The following HEPHL1 variants were observed in gnomAD, a reference collection of about 807,000 sequenced individuals.
HEPHL1 encodes ferroxidase HEPHL1.
Under a neutral mutation model 122.0 loss-of-function variants are expected in HEPHL1, and 123 were observed. The ratio of observed to expected loss-of-function variants is 1.01; its 90% CI spans 0.87 to 1.17. The LOEUF is 1.17. Among genes scored for constraint, HEPHL1 ranks in the 50% most tolerant of loss-of-function variants. The probability of loss-of-function intolerance (pLI) is 0.00; values close to 1 mark genes in which losing one functional copy is unlikely to be tolerated. For synonymous variants in HEPHL1, 527 were observed against 508.9 expected (o/e 1.04, Z -0.48); for missense variants, 1,452 against 1,430.5 (o/e 1.01, Z -0.24).
At chr11:94,093,880 C>T (rs1444176022) in intron 13 of HEPHL1, among the ~76,000 whole-genome samples, 5 of 149,452 alleles carry the variant, frequency 3.3e-5, no homozygotes, top group Non-Finnish European at 4.4e-5. Flanking sequence ...GAATCCATGA[C>T]ATCAGGGCAG....
At chr11:94,043,443 A>T (rs1591466552) in intron 1 of HEPHL1, among the ~76,000 whole-genome samples, 2 of 151,988 alleles carry the variant, frequency 1.3e-5, no homozygotes, top group Non-Finnish European at 2.9e-5. Context: ...TGGCTGGGGG[A>T]TGAATGATAT....
Position 94,113,346 on chromosome 11 carries a change from A to G in HEPHL1, c.*1452A>G, listed in dbSNP as rs1426646568. ...AAAGTGAGTGACAAGGACCTAAGAA[A>G]TATTCTGGTGGAGGGACCTTTCACA... On this transcript the variant is annotated 3_prime_UTR_variant, in exon 20 of 20. Coordinates refer to ENST00000315765, the MANE Select transcript of HEPHL1 (RefSeq NM_001098672.2). 1 of 152,194 alleles carries G rather than the reference A, an allele frequency of 6.6e-6. No individual in the cohort carries two copies. The highest frequency in any genetic ancestry group is 1.5e-5 in the Non-Finnish European group (1 of 68,026). 9.4% of individuals were successfully genotyped at this position (152,194 alleles called of 1,614,324 possible).
intron 1 of HEPHL1, among the ~76,000 whole-genome samples, chr11:94,029,615 A>T (rs537703143): frequency 3.3e-5 from 5 of 152,338 alleles, no homozygotes; most frequent in Admixed American, 6.5e-5. Context: ...AAATGTTCCA[A>T]ATGATTCTGA....
At position 94,021,436 on chromosome 11, in the gene HEPHL1, GCA is replaced by G; in HGVS notation, c.71_72del (p.Thr24SerfsTer86). The G allele has an allele frequency of 6.2e-7, 1 of 1,613,536 alleles. No individual in the cohort carries two copies. The highest frequency in any genetic ancestry group is 1.6e-4 in the Middle Eastern group (1 of 6,062). ...TTCCTGGGTCTGTCTGGGCTGGTTG[GCA>G]CAGTTACCAGAACGTACTACATTGG... On this transcript the variant is annotated frameshift_variant, in exon 1 of 20. Transcript: ENST00000315765. LOFTEE classifies it high-confidence loss of function.
rs140410242 is a variant in HEPHL1 at position 94,078,636 on chromosome 11, A to T, written c.1716+3251A>T. Among the ~76,000 whole-genome samples the T allele has an allele frequency of 7.7e-4, 117 of 152,028 alleles. 1 individual carries two copies. Among genetic ancestry groups the T allele is most frequent in the African/African-American group, 2.7e-3 (112 of 41,500 alleles). ...TAGAAAGCTGACAGGCTCGAGAACC[A>T]GGAAGAGCCAACATTTTAGTTTAAG... On this transcript the variant is annotated intron_variant, in intron 9 of 19. Transcript: ENST00000315765.
chr11:94,073,510 G>A (rs771723909), intron 8 of HEPHL1, 71 bp downstream of exon 8: 25 of 1,448,438 alleles, frequency 1.7e-5, no homozygotes, highest in Non-Finnish European at 2.3e-5. Flanking sequence ...AACAGTCCTG[G>A]TTCAAATCCT....
At chr11:94,091,695 C>T (rs1366155630) in intron 12 of HEPHL1, among the ~76,000 whole-genome samples, 1 of 152,110 alleles carries the variant, frequency 6.6e-6, no homozygotes, top group East Asian at 1.9e-4. Flanking sequence ...GCACACAGCC[C>T]TGTCTTGAGG....
At chr11:94,057,458 C>T (rs1176153278) in intron 2 of HEPHL1, among the ~76,000 whole-genome samples, 1 of 152,060 alleles carries the variant, frequency 6.6e-6, no homozygotes, top group Admixed American at 6.6e-5. Context: ...TCTTCTATTT[C>T]CCCCACCTCT....
chr11:94,056,740 G>A (rs1945940945), intron 2 of HEPHL1, among the ~76,000 whole-genome samples: 1 of 150,734 alleles, frequency 6.6e-6, no homozygotes, highest in African/African-American at 2.4e-5. Flanking sequence ...CCAGCAATAC[G>A]TTGTTATATA....
intron 1 of HEPHL1, among the ~76,000 whole-genome samples, chr11:94,026,441 G>A (rs923628538): frequency 3.9e-5 from 6 of 152,178 alleles, no homozygotes; most frequent in Admixed American, 2.6e-4. Flanking sequence ...CAAGGCAGCT[G>A]GCAGTCCCTG....
At chr11:94,030,259 T>C (rs1945661388) in intron 1 of HEPHL1, among the ~76,000 whole-genome samples, 1 of 152,222 alleles carries the variant, frequency 6.6e-6, no homozygotes, top group Non-Finnish European at 1.5e-5. Context: ...ACTCTGAGGC[T>C]TATTAGCAAG....
intron 2 of HEPHL1, among the ~76,000 whole-genome samples, chr11:94,051,741 G>C (rs1014550742): frequency 6.6e-6 from 1 of 152,020 alleles, no homozygotes; most frequent in African/African-American, 2.4e-5. Flanking sequence ...AGTTTGCCCA[G>C]TATTTTCTTG....
chr11:94,030,453 T>C (rs1040343641), intron 1 of HEPHL1, among the ~76,000 whole-genome samples: 2 of 152,100 alleles, frequency 1.3e-5, no homozygotes, highest in Non-Finnish European at 2.9e-5. Flanking sequence ...GGCAATCATC[T>C]GGGTCCCAGG....
At chr11:94,064,251 C>G in intron 3 of HEPHL1, 80 bp from the exon 4 acceptor site, 1 of 1,101,726 alleles carries the variant, frequency 9.1e-7, no homozygotes, top group African/African-American at 1.6e-5. Flanking sequence ...AAACTTCACA[C>G]TTGCCTGACA....
In HEPHL1 at chr11:94,102,944, C is replaced by A; in HGVS notation, c.2606C>A (p.Pro869His). The change falls in exon 15 of 20, where the codon CCT becomes CAT. Residue 869 changes from proline to histidine, a missense_variant. Physicochemically the swap from Pro to His is moderately conservative, Grantham distance 77. Coordinates refer to ENST00000315765, the MANE Select transcript of HEPHL1 (RefSeq NM_001098672.2). ...GTAAAAACTTATAGATGGAATATCC[C>A]TAAAAGATCCGGTCCAGGGCCTTCT... Reference protein sequence around the residue: ...GEVKTYRWNIPKRSGPGPSDP... With the variant: ...GEVKTYRWNIHKRSGPGPSDP... 6.2e-7 allele frequency: 1 copy of A among 1,603,596 alleles called. No homozygotes were observed. Among genetic ancestry groups the A allele is most frequent in the Non-Finnish European group, 8.5e-7 (1 of 1,170,738 alleles).
At chr11:94,037,200 C>T (rs1284285046) in intron 1 of HEPHL1, among the ~76,000 whole-genome samples, 7 of 152,332 alleles carry the variant, frequency 4.6e-5, no homozygotes, top group African/African-American at 1.7e-4. Flanking sequence ...ATATCCCGCA[C>T]CTGGCTCAGA....
chr11:94,072,078 C>T (rs1946078556), intron 6 of HEPHL1, among the ~76,000 whole-genome samples: 1 of 152,042 alleles, frequency 6.6e-6, no homozygotes, highest in South Asian at 2.1e-4. Context: ...ATAACAATTG[C>T]CATTTTGGAG....
chr11:94,074,108 A>G (rs1337991192), intron 8 of HEPHL1, among the ~76,000 whole-genome samples: 7 of 151,930 alleles, frequency 4.6e-5, no homozygotes, highest in Non-Finnish European at 7.4e-5. Flanking sequence ...TTCCTGGGAT[A>G]CTCTTCACAC....
At chr11:94,047,768 A>G (rs1031975424) in intron 2 of HEPHL1, among the ~76,000 whole-genome samples, 3 of 152,210 alleles carry the variant, frequency 2.0e-5, no homozygotes, top group East Asian at 1.9e-4. Context: ...TCTGGAAAGC[A>G]TACCTTAATA....
Sources: gnomAD v4.1 joint callset for allele counts (sites outside exome capture counted in the v4.1 genomes callset) on GRCh38, gnomAD v4.1.1 for gene constraint, MANE v1.5 for transcripts, NCBI Gene and HGNC (gene_info 2026-07-23, HGNC 2026-07-21) for gene names.